SQOR: variants seen among roughly 807,000 people sequenced by gnomAD.
SQOR encodes sulfide quinone oxidoreductase.
Under a neutral mutation model 48.6 loss-of-function variants are expected in SQOR, and 39 were observed. The observed-to-expected ratio is 0.80, with a 90% CI of 0.62 to 1.05. The LOEUF (loss-of-function observed/expected upper bound fraction) is 1.05, where lower values mean the gene tolerates loss of function less well. SQOR is among the 50% of genes least tolerant of loss of function. The pLI is 0.00. For synonymous variants in SQOR, 220 were observed against 206.2 expected (o/e 1.07, Z -0.57); for missense variants, 561 against 559.9 (o/e 1.00, Z -0.02).
intron 6 of SQOR, among the ~76,000 whole-genome samples, chr15:45,677,670 T>C (rs1890060368): frequency 6.6e-6 from 1 of 152,188 alleles, no homozygotes; most frequent in African/African-American, 2.4e-5. Context: ...AGTGTTTTCT[T>C]GTGATTAGTT....
intron 3 of SQOR, among the ~76,000 whole-genome samples, chr15:45,663,969 T>C (rs932249861): frequency 2.0e-5 from 3 of 152,194 alleles, no homozygotes; most frequent in African/African-American, 7.2e-5. Flanking sequence ...TATTATATTC[T>C]AGTCAGGGAG....
At chr15:45,688,462 G>T in intron 8 of SQOR, 58 bp downstream of exon 8, 1 of 1,292,264 alleles carries the variant, frequency 7.7e-7, no homozygotes, top group South Asian at 1.3e-5. Flanking sequence ...CTGTGTAAAA[G>T]TAGTGTTTTC....
At chr15:45,689,343 C>G in intron 9 of SQOR, 126 bp downstream of exon 9, 1 of 808,616 alleles carries the variant, frequency 1.2e-6, no homozygotes, top group South Asian at 2.0e-5. Flanking sequence ...TGCTCTAGGC[C>G]CTCTTTTGCT....
intron 3 of SQOR, among the ~76,000 whole-genome samples, chr15:45,667,421 C>T (rs1480827995): frequency 1.3e-5 from 2 of 152,000 alleles, no homozygotes; most frequent in Middle Eastern, 3.2e-3. Flanking sequence ...GTCTTCTGAC[C>T]CCTGTGTAAT....
intron 6 of SQOR, among the ~76,000 whole-genome samples, chr15:45,680,887 T>C (rs2140960388): frequency 6.6e-6 from 1 of 152,166 alleles, no homozygotes; most frequent in South Asian, 2.1e-4. Context: ...CCGAGATGAC[T>C]CTAGTAAGGT....
At chr15:45,668,926 C>T (rs765544149) in intron 3 of SQOR, among the ~76,000 whole-genome samples, 1 of 151,952 alleles carries the variant, frequency 6.6e-6, no homozygotes, top group Non-Finnish European at 1.5e-5. Flanking sequence ...ATACAATACC[C>T]GTATTTGAAG....
At chr15:45,688,230 G>A in intron 7 of SQOR, 107 bp from the exon 8 acceptor site, 1 of 745,940 alleles carries the variant, frequency 1.3e-6, no homozygotes, top group Non-Finnish European at 2.2e-6. Flanking sequence ...ACAGTCTTGA[G>A]GGATGGGAAA....
intron 1 of SQOR, among the ~76,000 whole-genome samples, chr15:45,643,130 G>A (rs1236850051): frequency 6.6e-6 from 1 of 152,200 alleles, no homozygotes; most frequent in Non-Finnish European, 1.5e-5. Flanking sequence ...GGTCAGGCCT[G>A]GAGAAATTGC....
intron 1 of SQOR, among the ~76,000 whole-genome samples, chr15:45,654,541 G>A (rs1035507493): frequency 6.6e-6 from 1 of 152,134 alleles, no homozygotes; most frequent in Non-Finnish European, 1.5e-5. Flanking sequence ...GGCTGAGTGA[G>A]GGAAATATTT....
chr15:45,689,417 C>CA, intron 9 of SQOR, 200 bp downstream of exon 9: 3 of 254,856 alleles, frequency 1.2e-5, no homozygotes, highest in African/African-American at 2.4e-5. Context: ...TGCTACCTTA[C>CA]TTTTTTTTTT....
chr15:45,649,844 T>C lies in SQOR; in HGVS notation c.-17-9063T>C, dbSNP rs142798759. 6.5e-4 allele frequency among the ~76,000 whole-genome samples: 98 copies of C among 150,676 alleles called. 1 individual carries two copies. Among genetic ancestry groups the C allele is most frequent in the African/African-American group, 2.3e-3 (94 of 40,714 alleles). On this transcript the variant is annotated intron_variant, in intron 1 of 9. Transcript: ENST00000260324. ...GAAGGTGGGATATGGGCAATGCTTT[T>C]TGTTGTTGTTGTTTTTGTGTGTGTT... is the stretch of plus-strand genomic sequence containing the variant.
At chr15:45,644,650 G>T (rs1895171197) in intron 1 of SQOR, among the ~76,000 whole-genome samples, 1 of 152,190 alleles carries the variant, frequency 6.6e-6, no homozygotes, top group African/African-American at 2.4e-5. Context: ...ATATGGGAAA[G>T]CACCTGCGTA....
intron 1 of SQOR, among the ~76,000 whole-genome samples, chr15:45,650,346 T>C (rs139817226): frequency 4.0e-4 from 61 of 152,324 alleles, no homozygotes; most frequent in Non-Finnish European, 7.1e-4. Flanking sequence ...AAAGGCGGCG[T>C]GTCCGGAGTT....
At chr15:45,676,657 C>T (rs12915009) in intron 6 of SQOR, among the ~76,000 whole-genome samples, 30,782 of 152,096 alleles carry the variant, frequency 0.2, 3,902 homozygotes, top group Non-Finnish European at 0.29. Flanking sequence ...AGGGCTTCCT[C>T]GAATGCAAGA....
chr15:45,659,249 A>G (rs1435278294), intron 2 of SQOR, 92 bp downstream of exon 2: 13 of 1,081,646 alleles, frequency 1.2e-5, no homozygotes, highest in African/African-American at 1.6e-5. Context: ...GGATATGACT[A>G]TCAAGCAATG....
intron 1 of SQOR, among the ~76,000 whole-genome samples, chr15:45,642,113 C>T (rs550922927): frequency 1.2e-3 from 177 of 152,308 alleles, no homozygotes; most frequent in African/African-American, 4.0e-3. Flanking sequence ...ATGCTGAACT[C>T]AACTGAATTG....
At chr15:45,635,835 C>T (rs1420720445) in intron 1 of SQOR, among the ~76,000 whole-genome samples, 1 of 152,044 alleles carries the variant, frequency 6.6e-6, no homozygotes, top group Non-Finnish European at 1.5e-5. Context: ...TAAAGACTCT[C>T]AGAACAATAC....
chr15:45,658,968 CT>C lies in SQOR; in HGVS notation c.48del (p.Phe16LeufsTer47). 1 of 1,592,178 alleles carries C rather than the reference CT, an allele frequency of 6.3e-7. No homozygotes were observed. The highest frequency in any genetic ancestry group is 8.6e-7 in the Non-Finnish European group (1 of 1,167,402). ...TGGTATCAGGGCCCCGTGCCCAGCT[CT>C]TTGCCTGCCTGCTCAGGCTGGGCAC... ...AVVSGPRAQL[F>X]ACLLRLGTQQ... On this transcript the variant is annotated frameshift_variant, in exon 2 of 10. Transcript: ENST00000260324. LOFTEE classifies it high-confidence loss of function.
intron 1 of SQOR, among the ~76,000 whole-genome samples, chr15:45,656,194 A>T (rs916452152): frequency 7.9e-5 from 12 of 152,170 alleles, no homozygotes; most frequent in Non-Finnish European, 1.3e-4. Context: ...TAGTTTTACC[A>T]TCTGTTAAAT....
Sources: gnomAD v4.1 joint callset for allele counts (sites outside exome capture counted in the v4.1 genomes callset) on GRCh38, gnomAD v4.1.1 for gene constraint, MANE v1.5 for transcripts, NCBI Gene and HGNC (gene_info 2026-07-23, HGNC 2026-07-21) for gene names.